Variants in MND1 observed in about 807,000 individuals in gnomAD.
MND1 encodes meiotic nuclear division protein 1 homolog.
MND1 carries 28 observed loss-of-function variants against 35.1 expected under a neutral mutation model. The observed-to-expected ratio is 0.80, with a 90% CI of 0.59 to 1.09. The LOEUF is 1.09. MND1 is among the 50% of genes least tolerant of loss of function. The pLI, the probability that MND1 is intolerant of heterozygous loss-of-function variation, is 0.00. For synonymous variants in MND1, 69 were observed against 70.5 expected (o/e 0.98, Z 0.11); for missense variants, 213 against 239.6 (o/e 0.89, Z 0.73).
chr4:153,352,746 T>TA (rs56770218), intron 2 of MND1, among the ~76,000 whole-genome samples: 20,278 of 114,700 alleles, frequency 0.18, 1,659 homozygotes, highest in Admixed American at 0.2. Flanking sequence ...GACCCTATCT[T>TA]AAAAAAAAAA....
chr4:153,377,056 A>T (rs1728531993), intron 4 of MND1, among the ~76,000 whole-genome samples: 1 of 152,184 alleles, frequency 6.6e-6, no homozygotes, highest in Non-Finnish European at 1.5e-5. Context: ...GAATTATGAA[A>T]ATCAAAATCT....
intron 1 of MND1, 23 bp from the exon 2 acceptor site, chr4:153,350,041 A>G (rs781502895): frequency 9.2e-6 from 14 of 1,524,212 alleles, no homozygotes; most frequent in South Asian, 1.2e-5. Flanking sequence ...AGCATTGTTT[A>G]CTTGTTAATT....
intron 2 of MND1, among the ~76,000 whole-genome samples, chr4:153,350,951 T>TAAAAAAAAAAAAAAA (rs567868452): frequency 1.6e-5 from 2 of 123,540 alleles, no homozygotes; most frequent in Non-Finnish European, 3.5e-5. Context: ...AGATTCTTAG[T>TAAAAAAAAAAAAAAA]AAAAAAAAAA....
chr4:153,395,282 G>GT (rs1342242695), intron 5 of MND1, among the ~76,000 whole-genome samples: 3 of 151,840 alleles, frequency 2.0e-5, no homozygotes, highest in Admixed American at 6.6e-5. Context: ...CCTTTTGTTT[G>GT]TTTTTTTTAA....
At chr4:153,386,354 G>A (rs1396776393) in intron 4 of MND1, among the ~76,000 whole-genome samples, 7 of 151,568 alleles carry the variant, frequency 4.6e-5, no homozygotes, top group Non-Finnish European at 7.4e-5. Flanking sequence ...TTAATTAGCC[G>A]GGTATGATGG....
At chr4:153,355,793 C>G (rs1773325192) in intron 3 of MND1, 82 bp downstream of exon 3, 1 of 884,548 alleles carries the variant, frequency 1.1e-6, no homozygotes, top group South Asian at 1.5e-5. Context: ...ATTAAGTCAT[C>G]TTTTCTGCAA....
intron 6 of MND1, among the ~76,000 whole-genome samples, chr4:153,405,816 T>C (rs1342461752): frequency 6.6e-6 from 1 of 152,156 alleles, no homozygotes; most frequent in African/African-American, 2.4e-5. Context: ...TTATATTTCT[T>C]TTTTTTGAGA....
chr4:153,394,400 G>A, intron 5 of MND1, 64 bp downstream of exon 5: 1 of 1,321,814 alleles, frequency 7.6e-7, no homozygotes, highest in East Asian at 2.5e-5. Flanking sequence ...AAGCGACACA[G>A]AGCTTCCTGT....
At chr4:153,384,530 C>T (rs978405409) in intron 4 of MND1, among the ~76,000 whole-genome samples, 1 of 145,690 alleles carries the variant, frequency 6.9e-6, no homozygotes, top group Admixed American at 7.2e-5. Context: ...TGGCCTCAAC[C>T]GATCTTCCCA....
At chr4:153,412,992 A>G (rs1466398752) in intron 7 of MND1, among the ~76,000 whole-genome samples, 1 of 151,988 alleles carries the variant, frequency 6.6e-6, no homozygotes, top group African/African-American at 2.4e-5. Flanking sequence ...TTGTTAGTAG[A>G]GACAGGATTT....
chr4:153,401,693 G>T (rs1284761431), intron 6 of MND1, among the ~76,000 whole-genome samples: 1 of 152,142 alleles, frequency 6.6e-6, no homozygotes. Flanking sequence ...TTAGTAGCAT[G>T]GCTATTGCCC....
At chr4:153,363,732 A>AT (rs1302641490) in intron 4 of MND1, among the ~76,000 whole-genome samples, 23 of 152,182 alleles carry the variant, frequency 1.5e-4, no homozygotes, top group Non-Finnish European at 3.1e-4. Flanking sequence ...GTTCGGACCT[A>AT]CCTAAGAGGG....
chr4:153,381,692 A>ATTTTTTTTTT (rs765943574), intron 4 of MND1: 2 of 17,480 alleles, frequency 1.1e-4, no homozygotes, highest in Non-Finnish European at 1.0e-4. Flanking sequence ...ATATATATAT[A>ATTTTTTTTTT]TTTTTTTTTT....
chr4:153,412,532 G>A (rs1243992353), intron 7 of MND1, among the ~76,000 whole-genome samples: 1 of 150,920 alleles, frequency 6.6e-6, no homozygotes, highest in Non-Finnish European at 1.5e-5. Context: ...GCCCAGGCTG[G>A]AGTGCAGTGG....
chr4:153,413,669 A>C (rs969238063), intron 7 of MND1, among the ~76,000 whole-genome samples: 7 of 151,246 alleles, frequency 4.6e-5, no homozygotes, highest in Admixed American at 2.0e-4. Context: ...GAGACAAAGC[A>C]AGATCCTGTC....
chr4:153,358,105 A>G lies in MND1; in HGVS notation c.128-369A>G, dbSNP rs569801829. On this transcript the variant is annotated intron_variant, in intron 3 of 7. Coordinates refer to ENST00000240488, the MANE Select transcript of MND1 (RefSeq NM_032117.4). ...TTATTGACATTACTGCTATGCACCA[A>G]AGTAAGTATGGAAATGATCATATCT... Among the ~76,000 whole-genome samples, 19 of 152,292 alleles carry G rather than the reference A, an allele frequency of 1.2e-4. No homozygotes were observed. In the East Asian group the frequency reaches 3.7e-3, roughly 29 times the overall value.
intron 4 of MND1, among the ~76,000 whole-genome samples, chr4:153,386,257 G>A (rs1427419021): frequency 1.3e-5 from 2 of 151,150 alleles, no homozygotes; most frequent in East Asian, 1.9e-4. Flanking sequence ...TTGGGAGACT[G>A]TGGCAGGAGG....
At chr4:153,380,488 G>C (rs1728645939) in intron 4 of MND1, among the ~76,000 whole-genome samples, 1 of 152,016 alleles carries the variant, frequency 6.6e-6, no homozygotes, top group African/African-American at 2.4e-5. Context: ...ATGTCTTATT[G>C]GCCAGATCTG....
intron 4 of MND1, chr4:153,363,086 A>G (rs1274344671): frequency 4.6e-6 from 4 of 860,530 alleles, no homozygotes; most frequent in Non-Finnish European, 5.6e-6. Flanking sequence ...GCTGGAGCTC[A>G]GTTCTAGCTC....
Sources: allele counts gnomAD v4.1 joint callset (sites outside exome capture counted in the v4.1 genomes callset), GRCh38; gene constraint gnomAD v4.1.1; transcripts MANE v1.5; gene names NCBI Gene and HGNC (gene_info 2026-07-23, HGNC 2026-07-21).